NFIB: variants seen among roughly 807,000 people sequenced by gnomAD.
The protein encoded by NFIB is nuclear factor I B.
NFIB carries 11 observed loss-of-function variants against 61.5 expected under a neutral mutation model. The ratio of observed to expected loss-of-function variants is 0.18; its 90% CI spans 0.11 to 0.30. The LOEUF (loss-of-function observed/expected upper bound fraction) is 0.30. Ranked by LOEUF, NFIB falls within the 10% of genes least tolerant of loss-of-function variation. The pLI is 1.00. For missense variants in NFIB, 471 were observed against 608.9 expected (o/e 0.77, Z 2.38); for synonymous variants, 260 against 216.5 (o/e 1.20, Z -1.76).
chr9:14,376,383 C>T (rs2061419926), intron 1 of NFIB, among the ~76,000 whole-genome samples: 1 of 152,188 alleles, frequency 6.6e-6, no homozygotes, highest in South Asian at 2.1e-4. Flanking sequence ...TAAAGAGTAG[C>T]TTCAACTTAG....
chr9:14,222,067 C>A (rs2051739479), intron 2 of NFIB, among the ~76,000 whole-genome samples: 1 of 152,184 alleles, frequency 6.6e-6, no homozygotes, highest in Non-Finnish European at 1.5e-5. Context: ...TCTTTTTGAT[C>A]CTTGGATCCC....
the NFIB span, among the ~76,000 whole-genome samples, chr9:14,476,889 A>G: frequency 6.6e-6 from 1 of 152,220 alleles, no homozygotes; most frequent in East Asian, 1.9e-4. Flanking sequence ...GGAAGAATAA[A>G]TATTTGTTAA....
At chr9:14,150,001 C>A (rs1460193743) in intron 5 of NFIB, 144 bp downstream of exon 5, 94 of 1,196,454 alleles carry the variant, frequency 7.9e-5, no homozygotes, top group Non-Finnish European at 1.1e-4. Flanking sequence ...ATAAATTTAA[C>A]CAGGAAAGAT....
chr9:14,213,261 G>C lies in NFIB; in HGVS notation c.563-33481C>G, dbSNP rs184708240. Among the ~76,000 whole-genome samples the C allele has an allele frequency of 5.3e-5, 8 of 152,290 alleles. No homozygotes were observed. The East Asian group carries it at 1.5e-3, about 29-fold the overall frequency. On this transcript the variant is annotated intron_variant, in intron 2 of 10. Coordinates refer to ENST00000380953, the MANE Select transcript of NFIB (RefSeq NM_001190737.2). Reference sequence around the variant, plus strand: ...CCACCAGTAGGTTGATCTTTGGAAAGTTACTTATCTTTGGAAAGTTACCTA... The same window carrying C: ...CCACCAGTAGGTTGATCTTTGGAAACTTACTTATCTTTGGAAAGTTACCTA...
the NFIB span, among the ~76,000 whole-genome samples, chr9:14,484,813 A>G: frequency 1.3e-5 from 2 of 152,254 alleles, no homozygotes; most frequent in Admixed American, 6.5e-5. Context: ...TGGAGGCTGT[A>G]TTAGACAGCT....
rs2038815683 is a variant in NFIB at position 14,120,740 on chromosome 9, A to G, written c.1061-116T>C. 6 of 1,059,642 alleles carry G rather than the reference A, an allele frequency of 5.7e-6. No individual in the cohort carries two copies. Among genetic ancestry groups the G allele is most frequent in the Non-Finnish European group, 6.7e-6 (5 of 750,806 alleles). 65.6% of individuals were successfully genotyped at this position (1,059,642 alleles called of 1,614,324 possible). On this transcript the variant is annotated intron_variant, in intron 7 of 10. Transcript: ENST00000380953. This position sits in a 1 kb window ranked among gnomAD's most constrained non-coding sequence, Gnocchi z 4.4. ...CTGGTAACCATTCATTTTTGTCCCC[A>G]TGATTTAACCAAGCTCTCCTAAATC... is the stretch of plus-strand genomic sequence containing the variant.
chr9:14,097,719 TTAAA>T (rs2035034836), intron 10 of NFIB, among the ~76,000 whole-genome samples: 1 of 152,060 alleles, frequency 6.6e-6, no homozygotes, highest in African/African-American at 2.4e-5. Context: ...TATTTTTTGT[TTAAA>T]TATTCATTCT....
chr9:14,505,721 G>T, the NFIB span, among the ~76,000 whole-genome samples: 1 of 152,176 alleles, frequency 6.6e-6, no homozygotes, highest in Non-Finnish European at 1.5e-5. Context: ...ACAGAGAGCA[G>T]CAGGAATGCC....
At chr9:14,518,849 T>C in the NFIB span, among the ~76,000 whole-genome samples, 1 of 152,160 alleles carries the variant, frequency 6.6e-6, no homozygotes, top group African/African-American at 2.4e-5. Flanking sequence ...AATTCCCAAC[T>C]TCCCTCTCTG....
rs942656126 is a variant in NFIB, at chr9:14,082,266, A to G, written c.*6043T>C. 1.5e-5 allele frequency: 3 copies of G among 204,834 alleles called. No individual in the cohort carries two copies. Among genetic ancestry groups the G allele is most frequent in the African/African-American group, 6.9e-5 (3 of 43,708 alleles). The allele number at this position is 204,834 out of a possible 1,614,324, so 12.7% of individuals were successfully genotyped here. A position where few individuals can be genotyped will look rare whatever the true frequency, so the allele number is the denominator to read the frequency against. ...CTGTATTTATGGCCCATGAGGACAA[A>G]ATGCCAAAAGTTTTAAAATGGATCA... is the stretch of plus-strand genomic sequence containing the variant. On this transcript the variant is annotated 3_prime_UTR_variant, in exon 11 of 11. Transcript: ENST00000380953.
Position 14,313,848 on chromosome 9 carries a change from C to A in NFIB, c.-337G>T. 3 of 1,236,832 alleles carry A rather than the reference C, an allele frequency of 2.4e-6. No individual in the cohort carries two copies. Among genetic ancestry groups the A allele is most frequent in the Non-Finnish European group, 2.0e-6 (2 of 983,776 alleles). The allele number at this position is 1,236,832 out of a possible 1,614,324, so 76.6% of individuals were successfully genotyped here. A position where few individuals can be genotyped will look rare whatever the true frequency, so the allele number is the denominator to read the frequency against. On this transcript the variant is annotated 5_prime_UTR_variant, in exon 1 of 11. Coordinates refer to ENST00000380953, the MANE Select transcript of NFIB (RefSeq NM_001190737.2). The surrounding 1 kb of genome is among the most constrained non-coding windows in gnomAD (Gnocchi z 4.5). ...GTTTGGGGATTTGTTTTCTATTTTG[C>A]AGTTGTTGTTGTTGTTGGGGTGTAG...
the NFIB span, among the ~76,000 whole-genome samples, chr9:14,529,059 C>T: frequency 6.6e-6 from 1 of 152,120 alleles, no homozygotes; most frequent in Non-Finnish European, 1.5e-5. Context: ...ATTTTAAAAA[C>T]TGAATGTAGG....
intron 6 of NFIB, among the ~76,000 whole-genome samples, chr9:14,131,527 C>G (rs892076152): frequency 6.6e-6 from 1 of 152,162 alleles, no homozygotes; most frequent in Non-Finnish European, 1.5e-5. Context: ...TGAAACACAG[C>G]GTATGTACTC....
At chr9:14,451,321 A>G in the NFIB span, among the ~76,000 whole-genome samples, 7 of 152,226 alleles carry the variant, frequency 4.6e-5, no homozygotes, top group African/African-American at 1.7e-4. Flanking sequence ...GATATTTCAC[A>G]GTATTTCTTT....
rs148862641 is a variant in NFIB at position 14,372,150 on chromosome 9, A to G, written c.108+26374T>C. ...AGTGGAGATAGATATTTCCATACCC[A>G]TGGCTCTTATTGAAAACAAGAAAAT... On this transcript the variant is annotated intron_variant, in intron 1 of 8. Coordinates refer to the NFIB transcript ENST00000380934. 8.0e-4 allele frequency among the ~76,000 whole-genome samples: 121 copies of G among 151,898 alleles called. 1 individual carries two copies. The highest frequency in any genetic ancestry group is 2.8e-3 in the African/African-American group (115 of 41,402).
At chr9:14,508,146 T>C in the NFIB span, among the ~76,000 whole-genome samples, 1 of 151,616 alleles carries the variant, frequency 6.6e-6, no homozygotes, top group African/African-American at 2.4e-5. Flanking sequence ...TATGTGTAAA[T>C]ATACAAGCAT....
intron 2 of NFIB, among the ~76,000 whole-genome samples, chr9:14,198,651 G>C (rs1460274994): frequency 2.0e-5 from 3 of 152,072 alleles, no homozygotes; most frequent in African/African-American, 4.8e-5. Context: ...GACCTCACCC[G>C]CAATGACTGG....
intron 2 of NFIB, among the ~76,000 whole-genome samples, chr9:14,233,933 T>G (rs2053471318): frequency 6.6e-6 from 1 of 152,214 alleles, no homozygotes; most frequent in South Asian, 2.1e-4. Context: ...GGAAAATTTT[T>G]GTTTAATTTA....
At chr9:14,210,228 A>T (rs1036417649) in intron 2 of NFIB, among the ~76,000 whole-genome samples, 5 of 152,198 alleles carry the variant, frequency 3.3e-5, no homozygotes, top group Admixed American at 2.0e-4. Flanking sequence ...GGAAAACTTG[A>T]ATGAAACTAA....
Sources: allele counts gnomAD v4.1 joint callset (sites outside exome capture counted in the v4.1 genomes callset), GRCh38; gene constraint gnomAD v4.1.1; non-coding constraint Gnocchi (gnomAD v3.1); transcripts MANE v1.5; gene names NCBI Gene and HGNC (gene_info 2026-07-23, HGNC 2026-07-21).